HK1: variants seen among roughly 807,000 people sequenced by gnomAD.
HK1 encodes the protein hexokinase-1.
Under a neutral mutation model 91.6 loss-of-function variants are expected in HK1, and 28 were observed. The ratio of observed to expected loss-of-function variants is 0.31; its 90% confidence interval spans 0.23 to 0.42. The LOEUF is 0.42. HK1 is among the 10% of genes least tolerant of loss of function. The pLI, the probability that HK1 is intolerant of heterozygous loss-of-function variation, is 1.00. For synonymous variants in HK1, 430 were observed against 468.1 expected (o/e 0.92, Z 1.05); for missense variants, 770 against 1,219.8 (o/e 0.63, Z 5.49).
intron 1 of HK1, chr10:69,270,217 C>G (rs1027079635): frequency 2.6e-5 from 4 of 152,200 alleles, no homozygotes; most frequent in African/African-American, 9.7e-5. Flanking sequence ...CTCAAGCAAT[C>G]CCCCCATCTT....
At chr10:69,291,253 A>G (rs1009823946) in intron 3 of HK1, among the ~76,000 whole-genome samples, 1 of 152,250 alleles carries the variant, frequency 6.6e-6, no homozygotes, top group Non-Finnish European at 1.5e-5. Flanking sequence ...CCCAGAGTTC[A>G]GTGTCAATCT....
intron 17 of HK1, 78 bp downstream of exon 17, chr10:69,398,906 CG>C: frequency 8.6e-7 from 1 of 1,157,680 alleles, no homozygotes; most frequent in Admixed American, 1.8e-5. Context: ...GTGTGGTTTA[CG>C]CTGGGGAAAT....
Position 69,386,379 on chromosome 10 carries a change from T to C in HK1, c.1896T>C (p.Asp632=). 6.2e-7 allele frequency: 1 copy of C among 1,614,078 alleles called. No individual in the cohort carries two copies. The highest frequency in any genetic ancestry group is 8.5e-7 in the Non-Finnish European group (1 of 1,179,890). ...AGGCAACAGACTGCGTGGGCCACGA[T>C]GTAGTCACCTTACTAAGGGATGCGA... ...GFKATDCVGH[D]VVTLLRDAIK... The change falls in exon 13 of 18, where the codon GAT becomes GAC. Residue 632 remains aspartate, a synonymous_variant. Coordinates refer to ENST00000359426, the MANE Select transcript of HK1 (RefSeq NM_000188.3).
At chr10:69,378,678 C>A (rs1164718093) in intron 8 of HK1, among the ~76,000 whole-genome samples, 1 of 152,152 alleles carries the variant, frequency 6.6e-6, no homozygotes, top group Non-Finnish European at 1.5e-5. Flanking sequence ...CTTTGGCCTC[C>A]CAAAGTGCTG....
intron 1 of HK1, among the ~76,000 whole-genome samples, chr10:69,323,520 CA>C (rs11421011): frequency 4.6e-3 from 439 of 95,290 alleles, no homozygotes; most frequent in African/African-American, 0.011. Flanking sequence ...GACTCTGTCT[CA>C]AAAAAAAAAA....
At chr10:69,309,630 T>A (rs987639590) in intron 5 of HK1, among the ~76,000 whole-genome samples, 2 of 140,014 alleles carry the variant, frequency 1.4e-5, no homozygotes, top group Non-Finnish European at 3.0e-5. Flanking sequence ...TGAAACCCCA[T>A]CTCTACTAAA....
chr10:69,379,812 A>G, intron 8 of HK1, 50 bp from the exon 9 acceptor site: 1 of 1,322,138 alleles, frequency 7.6e-7, no homozygotes, highest in Non-Finnish European at 1.1e-6. Flanking sequence ...AGTGCTTTGC[A>G]CTGCCTCATG....
chr10:69,394,246 GA>G (rs1248141440), intron 15 of HK1, among the ~76,000 whole-genome samples: 1 of 152,238 alleles, frequency 6.6e-6, no homozygotes, highest in African/African-American at 2.4e-5. Context: ...GAAGTCCCAA[GA>G]ACAGGTTGAC....
At chr10:69,370,614 C>G (rs905857403) in intron 7 of HK1, among the ~76,000 whole-genome samples, 2 of 152,090 alleles carry the variant, frequency 1.3e-5, no homozygotes, top group Admixed American at 6.5e-5. Flanking sequence ...ACAGCACCTT[C>G]CCTCCCAAGA....
At chr10:69,377,185 C>T in intron 8 of HK1, 96 bp downstream of exon 8, 1 of 1,430,006 alleles carries the variant, frequency 7.0e-7, no homozygotes, top group Non-Finnish European at 9.8e-7. Flanking sequence ...GGTGGCTTTT[C>T]CTTCAAGAGT....
intron 5 of HK1, among the ~76,000 whole-genome samples, chr10:69,301,953 T>G (rs4745981): frequency 6.6e-6 from 1 of 152,110 alleles, no homozygotes; most frequent in South Asian, 2.1e-4. Context: ...GATTTCAAAA[T>G]TTTAAAAGCA....
rs757694321 is a variant in HK1, at chr10:69,382,742, C to G, written c.1521C>G (p.Ala507=). 3.1e-6 allele frequency: 5 copies of G among 1,613,276 alleles called. No individual in the cohort carries two copies. The highest frequency in any genetic ancestry group is 4.2e-6 in the Non-Finnish European group (5 of 1,179,866). Reference sequence around the variant, plus strand: ...TGAGGAAGCAGACGCACAACAATGCCGTGGTTAAGATGCTGCCCTCCTTCG... The same window carrying G: ...TGAGGAAGCAGACGCACAACAATGCGGTGGTTAAGATGCTGCCCTCCTTCG... ...LGLRKQTHNN[A]VVKMLPSFVR... is the part of the protein sequence containing the mutation. Residue 507 remains alanine (A), a synonymous_variant, in exon 10 of 18, where the codon GCC becomes GCG. Transcript: ENST00000359426.
At chr10:69,379,672 C>G (rs1839287731) in intron 8 of HK1, among the ~76,000 whole-genome samples, 190 bp from the exon 9 acceptor site, 1 of 152,174 alleles carries the variant, frequency 6.6e-6, no homozygotes, top group Non-Finnish European at 1.5e-5. Context: ...CTATCACTAC[C>G]TGGCATTTCT....
At chr10:69,391,077 A>G (rs1048989979) in intron 14 of HK1, among the ~76,000 whole-genome samples, 1 of 152,212 alleles carries the variant, frequency 6.6e-6, no homozygotes, top group Non-Finnish European at 1.5e-5. Flanking sequence ...GAGTTCAGGA[A>G]TGGAAGTCAG....
intron 15 of HK1, 33 bp from the exon 16 acceptor site, chr10:69,394,917 C>T (rs752204070): frequency 6.2e-7 from 1 of 1,613,188 alleles, no homozygotes; most frequent in South Asian, 1.1e-5. Context: ...GGCCACTTCC[C>T]ATAGACACCC....
chr10:69,329,579 G>T (rs1246591194), intron 1 of HK1, among the ~76,000 whole-genome samples: 3 of 152,124 alleles, frequency 2.0e-5, no homozygotes, highest in Non-Finnish European at 4.4e-5. Context: ...GCAAACGAAG[G>T]CCCCCCAGGT....
chr10:69,318,801 T>A, upstream of HK1: 1 of 1,386,362 alleles, frequency 7.2e-7, no homozygotes, highest in Non-Finnish European at 9.3e-7. Context: ...GCGCGCGAGC[T>A]GTCGCCGCGC....
chr10:69,283,808 A>AAAAAAAAAAG lies in HK1; in HGVS notation c.-215+1109_-215+1118dup, dbSNP rs796086950. On this transcript the variant is annotated intron_variant, in intron 2 of 21. Coordinates refer to the HK1 transcript ENST00000360289. ...AGTGAGACTCTGTCTCAAAAAAAAA[A>AAAAAAAAAAG]AAAAAAAAAGAAAAGAAAAAAAGAA... Among the ~76,000 whole-genome samples the AAAAAAAAAAG allele has an allele frequency of 9.9e-4, 143 of 144,740 alleles. 1 individual carries two copies. The highest frequency in any genetic ancestry group is 2.9e-3 in the African/African-American group (108 of 37,232). 95.0% of individuals were successfully genotyped at this position (144,740 alleles called of 152,430 possible). A position where few individuals can be genotyped will look rare whatever the true frequency, so the allele number is the denominator to read the frequency against.
chr10:69,351,441 G>A (rs538010320), intron 2 of HK1, among the ~76,000 whole-genome samples: 3 of 152,252 alleles, frequency 2.0e-5, no homozygotes, highest in East Asian at 1.9e-4. Flanking sequence ...CCCCGGAGGC[G>A]GAGGTTGCAG....
Sources: gnomAD v4.1 joint callset for allele counts (sites outside exome capture counted in the v4.1 genomes callset) on GRCh38, gnomAD v4.1.1 for gene constraint, MANE v1.5 for transcripts, NCBI Gene and HGNC (gene_info 2026-07-23, HGNC 2026-07-21) for gene names.